CARMIL3: variants seen among roughly 807,000 people sequenced by gnomAD.
The protein encoded by CARMIL3 is capping protein regulator and myosin 1 linker 3, also known as capping protein, Arp2/3 and myosin-I linker protein 3.
In CARMIL3, 88 loss-of-function variants were observed where a neutral mutation model predicts 180.8. The observed-to-expected ratio is 0.49, with a 90% CI of 0.41 to 0.58. CARMIL3 has a LOEUF of 0.58. CARMIL3 is among the 20% of genes least tolerant of loss of function. The pLI, the probability that CARMIL3 is intolerant of heterozygous loss-of-function variation, is 0.00. For synonymous variants in CARMIL3, 696 were observed against 714.5 expected (o/e 0.97, Z 0.41); for missense variants, 1,548 against 1,787.0 (o/e 0.87, Z 2.41).
rs568933201 is a variant in CARMIL3, at chr14:24,069,397, C to T, written c.4112C>T (p.Thr1371Ile). Reference sequence around the variant, plus strand: ...CCAGCAGGAACCAGTGAGCCAGGAACAGACTGACAACTGCCACAACACCCT... The same window carrying T: ...CCAGCAGGAACCAGTGAGCCAGGAATAGACTGACAACTGCCACAACACCCT... ...PDPTGTSEPGTD is the reference protein window; with the variant it reads ...PDPTGTSEPGID Residue 1371 changes from threonine (T) to isoleucine (I), a missense_variant, in exon 40 of 40, where the codon ACA becomes ATA. Thr to Ile is a moderately conservative substitution (Grantham distance 89). Around this residue, in one of 4 missense-constraint regions of CARMIL3, gnomAD observed 668 missense variants for 687.8 expected, o/e 0.97. Transcript: ENST00000342740. The T allele has an allele frequency of 6.2e-7, 1 of 1,614,146 alleles. No homozygotes were observed. The highest frequency in any genetic ancestry group is 8.5e-7 in the Non-Finnish European group (1 of 1,180,012).
At chr14:24,052,299 C>G in intron 1 of CARMIL3, 106 bp downstream of exon 1, 1 of 1,149,830 alleles carries the variant, frequency 8.7e-7, no homozygotes, top group Non-Finnish European at 1.2e-6. Flanking sequence ...ACCCCTCACC[C>G]CATGCATCCT....
At chr14:24,063,670 A>T in intron 31 of CARMIL3, 137 bp downstream of exon 31, 1 of 802,122 alleles carries the variant, frequency 1.2e-6, no homozygotes, top group Non-Finnish European at 1.9e-6. Context: ...CAATGAACAG[A>T]TGAGGGATTG....
chr14:24,061,989 C>T lies in CARMIL3; in HGVS notation c.2480+317C>T. 1 of 351,424 alleles carries T rather than the reference C, an allele frequency of 2.8e-6. No homozygotes were observed. The highest frequency in any genetic ancestry group is 5.2e-6 in the Non-Finnish European group (1 of 191,902). The allele number at this position is 351,424 out of a possible 1,614,324, so 21.8% of individuals were successfully genotyped here. ...CAAAGAAAAGTACCTGAGTTGGGTG[C>T]ATGGAAGCACTGTCTTCCTCCCAGT... On this transcript the variant is annotated intron_variant, in intron 27 of 39. Transcript: ENST00000342740. The surrounding 1 kb of genome is among the most constrained non-coding windows in gnomAD (Gnocchi z 4.1).
intron 30 of CARMIL3, 22 bp downstream of exon 30, chr14:24,063,205 C>A: frequency 6.2e-7 from 1 of 1,610,580 alleles, no homozygotes; most frequent in Non-Finnish European, 8.5e-7. Context: ...AGCCTCCGTT[C>A]TCATGGACTC....
Position 24,060,811 on chromosome 14 carries a change from GACCATGCTAAGCCA to G in CARMIL3, c.2190+56_2190+69del, listed in dbSNP as rs2035725496. On this transcript the variant is annotated intron_variant, in intron 25 of 39. Transcript: ENST00000342740. ...GAAGTCTGGAGAACCCAAGAAGGCC[GACCATGCTAAGCCA>G]TGACAGCCCTGCCCTGTGCATCTGC... The G allele has an allele frequency of 1.9e-6, 3 of 1,589,652 alleles. No individual in the cohort carries two copies. The African/African-American group carries it at 4.0e-5, about 21-fold the overall frequency.
intron 12 of CARMIL3, 78 bp from the exon 13 acceptor site, chr14:24,056,837 G>A (rs1671420637): frequency 1.3e-6 from 2 of 1,543,142 alleles, no homozygotes; most frequent in Non-Finnish European, 1.8e-6. Flanking sequence ...GCCACGTTTG[G>A]GGAGAGGGGA....
chr14:24,065,780 G>C, intron 34 of CARMIL3, 30 bp downstream of exon 34: 1 of 1,611,230 alleles, frequency 6.2e-7, no homozygotes, highest in Admixed American at 1.7e-5. Context: ...ACAAACTGTG[G>C]GTCCTGAGGG....
intron 34 of CARMIL3, 141 bp downstream of exon 34, chr14:24,065,891 C>A: frequency 8.2e-7 from 1 of 1,226,236 alleles, no homozygotes; most frequent in Non-Finnish European, 1.1e-6. Flanking sequence ...CTCTTCAGCC[C>A]CCACCACACA....
intron 29 of CARMIL3, 25 bp from the exon 30 acceptor site, chr14:24,063,095 C>A: frequency 6.2e-7 from 1 of 1,607,764 alleles, no homozygotes; most frequent in Non-Finnish European, 8.5e-7. Context: ...GTGCCTGGCC[C>A]TGCCACTCGT....
Position 24,061,103 on chromosome 14 carries a change from C to G in CARMIL3, c.2304+63C>G. The G allele has an allele frequency of 1.4e-6, 2 of 1,444,870 alleles. No individual in the cohort carries two copies. The highest frequency in any genetic ancestry group is 1.9e-6 in the Non-Finnish European group (2 of 1,053,900). 89.5% of individuals were successfully genotyped at this position (1,444,870 alleles called of 1,614,324 possible). ...CTAGTGTTGACTGAGGCCCTAAGCC[C>G]AGAGCTAAAGTCAGAGCTGGGAGAC... On this transcript the variant is annotated intron_variant, in intron 26 of 39. Coordinates refer to ENST00000342740, the MANE Select transcript of CARMIL3 (RefSeq NM_138360.4). The surrounding 1 kb of genome is among the most constrained non-coding windows in gnomAD (Gnocchi z 4.1).
intron 25 of CARMIL3, 58 bp downstream of exon 25, chr14:24,060,814 C>A (rs112267258): frequency 4.4e-6 from 7 of 1,579,976 alleles, no homozygotes; most frequent in African/African-American, 2.7e-5. Context: ...GAAGGCCGAC[C>A]ATGCTAAGCC....
At chr14:24,055,663 C>A (rs2138708617) in intron 9 of CARMIL3, 38 bp from the exon 10 acceptor site, 2 of 1,613,760 alleles carry the variant, frequency 1.2e-6, no homozygotes, top group East Asian at 4.5e-5. Flanking sequence ...GTAGTGCCCC[C>A]CTTGGCCCCT....
At chr14:24,068,077 A>G (rs534101524) in intron 36 of CARMIL3, among the ~76,000 whole-genome samples, 1 of 152,368 alleles carries the variant, frequency 6.6e-6, no homozygotes, top group East Asian at 1.9e-4. Context: ...ATCCTGGGAA[A>G]CAAGGGCTAA....
chr14:24,065,248 G>C lies in CARMIL3; in HGVS notation c.3371G>C (p.Arg1124Pro). The C allele has an allele frequency of 6.5e-7, 1 of 1,542,194 alleles. No homozygotes were observed. Among genetic ancestry groups the C allele is most frequent in the Non-Finnish European group, 8.7e-7 (1 of 1,152,372 alleles). ...CTCCTCCCTGGATTTGGTGGGGGCC[G>C]GGGACCTTCCTTCCGCCGGAAGATG... is the stretch of plus-strand genomic sequence containing the variant. Reference protein sequence around the residue: ...SSLLPGFGGGRGPSFRRKMGT... With the variant: ...SSLLPGFGGGPGPSFRRKMGT... The change falls in exon 33 of 40, where the codon CGG (arginine) becomes CCG (proline). Residue 1124 changes from arginine (R) to proline (P), a missense_variant. This residue lies in a region of CARMIL3 where 668 missense variants were observed against 687.8 expected (regional missense o/e 0.97). Coordinates refer to ENST00000342740, the MANE Select transcript of CARMIL3 (RefSeq NM_138360.4).
chr14:24,061,383 G>C lies in CARMIL3; in HGVS notation c.2305-114G>C. ...TGCCACTAACAGTTTTGTGACTTAG[G>C]CAGGTCCCTCAGTCTCAGCAGGAGG... On this transcript the variant is annotated intron_variant, in intron 26 of 39. Transcript: ENST00000342740. The surrounding 1 kb of genome is among the most constrained non-coding windows in gnomAD (Gnocchi z 4.1). The C allele has an allele frequency of 1.8e-6, 2 of 1,106,234 alleles. No homozygotes were observed. Among genetic ancestry groups the C allele is most frequent in the Non-Finnish European group, 2.6e-6 (2 of 783,994 alleles). 68.5% of individuals were successfully genotyped at this position (1,106,234 alleles called of 1,614,324 possible). A position where few individuals can be genotyped will look rare whatever the true frequency, so the allele number is the denominator to read the frequency against.
At chr14:24,056,584 T>C in intron 11 of CARMIL3, 38 bp from the exon 12 acceptor site, 1 of 1,602,074 alleles carries the variant, frequency 6.2e-7, no homozygotes, top group Non-Finnish European at 8.6e-7. Context: ...CCCACTGCCC[T>C]GCCCCTCACT....
intron 1 of CARMIL3, 148 bp downstream of exon 1, chr14:24,052,341 G>A (rs1448372601): frequency 5.2e-6 from 4 of 769,746 alleles, no homozygotes; most frequent in Non-Finnish European, 7.8e-6. Flanking sequence ...TTCCAGTCCG[G>A]GCATCGCTGT....
At chr14:24,053,897 A>G in intron 2 of CARMIL3, 94 bp downstream of exon 2, 24 of 1,252,026 alleles carry the variant, frequency 1.9e-5, no homozygotes, top group Non-Finnish European at 2.7e-5. Context: ...AAGAGACAGA[A>G]GTGGGTGGAC....
chr14:24,069,299 GACACCCCCCGAAGCCCCA>G, intron 39 of CARMIL3, 52 bp downstream of exon 39: 1 of 1,612,774 alleles, frequency 6.2e-7, no homozygotes, highest in Non-Finnish European at 8.5e-7. Context: ...TGTCCAACAT[GACACCCCCCGAAGCCCCA>G]ACACCAGGTG....
Sources: allele counts gnomAD v4.1 joint callset (sites outside exome capture counted in the v4.1 genomes callset), GRCh38; gene constraint gnomAD v4.1.1; regional missense constraint gnomAD v4.1.1; non-coding constraint Gnocchi (gnomAD v3.1); transcripts MANE v1.5; gene names NCBI Gene and HGNC (gene_info 2026-07-23, HGNC 2026-07-21).